The following PAK5 variants were observed in gnomAD, a reference collection of about 807,000 sequenced individuals.
PAK5 encodes serine/threonine-protein kinase PAK 5.
PAK5 carries 16 observed loss-of-function variants against 65.9 expected under a neutral mutation model. The ratio of observed to expected loss-of-function variants is 0.24; its 90% CI spans 0.16 to 0.37. The LOEUF (loss-of-function observed/expected upper bound fraction) is 0.37, where lower values mean the gene tolerates loss of function less well. Ranked by LOEUF, PAK5 falls within the 10% of genes least tolerant of loss-of-function variation. PAK5 has a pLI of 1.00. For synonymous variants in PAK5, 371 were observed against 354.9 expected, an observed-to-expected ratio of 1.05 and a Z score of -0.51; for missense variants, 785 against 903.9, an observed-to-expected ratio of 0.87 and a Z score of 1.69.
At chr20:9,602,976 T>G (rs2046387011) in intron 3 of PAK5, among the ~76,000 whole-genome samples, 1 of 152,142 alleles carries the variant, frequency 6.6e-6, no homozygotes, top group African/African-American at 2.4e-5. Flanking sequence ...TCACAGATGG[T>G]TTAGACAGAG....
intron 2 of PAK5, among the ~76,000 whole-genome samples, chr20:9,663,321 A>C (rs1429401760): frequency 6.6e-6 from 1 of 152,154 alleles, no homozygotes; most frequent in East Asian, 1.9e-4. Context: ...GAGGAAGGAA[A>C]TATTGCTAGA....
At chr20:9,570,481 T>TAAG (rs879344990) in intron 4 of PAK5, among the ~76,000 whole-genome samples, 3 of 145,130 alleles carry the variant, frequency 2.1e-5, no homozygotes, top group African/African-American at 8.0e-5. Context: ...AGTGTGTGTG[T>TAAG]ATGATGGAAT....
At chr20:9,618,575 T>G (rs1209121836) in intron 3 of PAK5, among the ~76,000 whole-genome samples, 42 of 147,218 alleles carry the variant, frequency 2.9e-4, no homozygotes, top group Non-Finnish European at 3.0e-5. Context: ...CCCAGCTAAT[T>G]TTTTTTTTTT....
chr20:9,722,810 C>T (rs183362636), intron 1 of PAK5, among the ~76,000 whole-genome samples: 3 of 151,522 alleles, frequency 2.0e-5, no homozygotes, highest in Non-Finnish European at 4.4e-5. Context: ...CATCTCGACT[C>T]ATTGCAACCT....
At chr20:9,764,145 C>T (rs975612675) in intron 1 of PAK5, among the ~76,000 whole-genome samples, 12 of 152,136 alleles carry the variant, frequency 7.9e-5, no homozygotes, top group African/African-American at 2.7e-4. Context: ...TCACACACTG[C>T]ATTTAGTCAT....
At chr20:9,644,513 A>ATT (rs201348772) in intron 2 of PAK5, among the ~76,000 whole-genome samples, 174 bp from the exon 3 acceptor site, 3 of 151,462 alleles carry the variant, frequency 2.0e-5, no homozygotes, top group African/African-American at 7.3e-5. Flanking sequence ...ATTTTATTCA[A>ATT]TTTTTTTTTG....
chr20:9,791,055 C>A (rs2049045318), intron 1 of PAK5, among the ~76,000 whole-genome samples: 1 of 152,120 alleles, frequency 6.6e-6, no homozygotes, highest in African/African-American at 2.4e-5. Flanking sequence ...CATTTGCCTT[C>A]TCCTTACATG....
rs57705525 is a variant in PAK5, at chr20:9,802,910, G to GTATA, written c.-162+35848_-162+35851dup. Among the ~76,000 whole-genome samples the GTATA allele has an allele frequency of 1.5e-3, 71 of 46,376 alleles. 1 individual carries two copies. The highest frequency in any genetic ancestry group is 3.3e-3 in the Admixed American group (10 of 2,998). 30.4% of individuals were successfully genotyped at this position (46,376 alleles called of 152,430 possible). A position where few individuals can be genotyped will look rare whatever the true frequency, so the allele number is the denominator to read the frequency against. ...CTTCTGTACTATTGTATATGTATGTGTATATATATATATATATATATATGA... is the reference window on the plus strand; with the variant it reads ...CTTCTGTACTATTGTATATGTATGTGTATATATATATATATATATATATATATGA... On this transcript the variant is annotated intron_variant, in intron 1 of 9. Transcript: ENST00000353224.
intron 2 of PAK5, among the ~76,000 whole-genome samples, chr20:9,704,584 A>C (rs1199762947): frequency 6.6e-6 from 1 of 152,138 alleles, no homozygotes; most frequent in Non-Finnish European, 1.5e-5. Flanking sequence ...TCAAATTCCA[A>C]AATCCTATCT....
At chr20:9,806,985 T>G (rs1166022014) in intron 1 of PAK5, among the ~76,000 whole-genome samples, 1 of 152,102 alleles carries the variant, frequency 6.6e-6, no homozygotes, top group African/African-American at 2.4e-5. Context: ...CCACATTCCT[T>G]GGCTTGTGAC....
At chr20:9,539,798 T>C (rs1027893139) in intron 9 of PAK5, among the ~76,000 whole-genome samples, 181 bp from the exon 10 acceptor site, 1 of 152,214 alleles carries the variant, frequency 6.6e-6, no homozygotes, top group African/African-American at 2.4e-5. Flanking sequence ...TTTCCTTACC[T>C]TTTTCAAGTG....
intron 1 of PAK5, among the ~76,000 whole-genome samples, chr20:9,835,398 G>A (rs1979068138): frequency 6.6e-6 from 1 of 152,078 alleles, no homozygotes; most frequent in Admixed American, 6.6e-5. Flanking sequence ...GAGGGAAGAT[G>A]GTTGGGGATG....
At chr20:9,811,393 T>TA (rs1349753197) in intron 1 of PAK5, among the ~76,000 whole-genome samples, 1 of 152,074 alleles carries the variant, frequency 6.6e-6, no homozygotes, top group African/African-American at 2.4e-5. Flanking sequence ...AATTCAGGGG[T>TA]AAAAAAGAAA....
chr20:9,544,171 T>C (rs2045308413), intron 8 of PAK5, among the ~76,000 whole-genome samples, 198 bp downstream of exon 8: 1 of 152,206 alleles, frequency 6.6e-6, no homozygotes, highest in African/African-American at 2.4e-5. Flanking sequence ...GGATAAATAC[T>C]GCAGTGATCT....
At chr20:9,718,435 T>C (rs1287135515) in intron 1 of PAK5, among the ~76,000 whole-genome samples, 1 of 152,122 alleles carries the variant, frequency 6.6e-6, no homozygotes, top group African/African-American at 2.4e-5. Flanking sequence ...GAGATGCAAT[T>C]TTGTGAGTAG....
intron 3 of PAK5, among the ~76,000 whole-genome samples, chr20:9,633,920 A>G (rs904168953): frequency 2.0e-5 from 3 of 152,204 alleles, no homozygotes; most frequent in African/African-American, 4.8e-5. Context: ...GGTACATTCA[A>G]TTTGTGTTTA....
chr20:9,696,931 G>C (rs2047877375), intron 2 of PAK5, among the ~76,000 whole-genome samples: 1 of 152,048 alleles, frequency 6.6e-6, no homozygotes, highest in Non-Finnish European at 1.5e-5. Context: ...CACCTAGTAA[G>C]TTCTCAATAA....
chr20:9,835,358 G>A (rs1199577841), intron 1 of PAK5, among the ~76,000 whole-genome samples: 1 of 152,188 alleles, frequency 6.6e-6, no homozygotes, highest in East Asian at 1.9e-4. Context: ...AAGCCCAAGG[G>A]ATGAGTATGA....
At chr20:9,754,627 T>G (rs879184105) in intron 1 of PAK5, among the ~76,000 whole-genome samples, 3 of 152,192 alleles carry the variant, frequency 2.0e-5, no homozygotes, top group Admixed American at 2.0e-4. Context: ...CCATAATTTC[T>G]AATCTTGTCG....
Sources: gnomAD v4.1 joint callset for allele counts (sites outside exome capture counted in the v4.1 genomes callset) on GRCh38, gnomAD v4.1.1 for gene constraint, MANE v1.5 for transcripts, NCBI Gene and HGNC (gene_info 2026-07-23, HGNC 2026-07-21) for gene names.